Variants in UGT1A3 observed in about 807,000 individuals in gnomAD.
UGT1A3 encodes UDP glucuronosyltransferase family 1 member A3.
Under a neutral mutation model 41.0 loss-of-function variants are expected in UGT1A3, and 31 were observed. The observed-to-expected ratio is 0.76, with a 90% CI of 0.57 to 1.02. The LOEUF is 1.02. Ranked by LOEUF, UGT1A3 falls within the 50% of genes least tolerant of loss-of-function variation. The probability of loss-of-function intolerance (pLI) is 0.00; values close to 1 mark genes in which losing one functional copy is unlikely to be tolerated. For synonymous variants in UGT1A3, 262 were observed against 257.6 expected, an observed-to-expected ratio of 1.02 and a Z score of -0.17; for missense variants, 737 against 671.0, an observed-to-expected ratio of 1.10 and a Z score of -1.09.
At chr2:233,757,535 A>AATATATATACATATACATACATATATAT (rs376887521) in intron 1 of UGT1A3, among the ~76,000 whole-genome samples, 2 of 88,312 alleles carry the variant, frequency 2.3e-5, no homozygotes, top group African/African-American at 1.0e-4. Context: ...GCCTGTAAGG[A>AATATATATACATATACATACATATATAT]ATATATATAT....
At chr2:233,736,540 G>T (rs7564935) in intron 1 of UGT1A3, among the ~76,000 whole-genome samples, 55,271 of 152,042 alleles carry the variant, frequency 0.36, 10,225 homozygotes, top group African/African-American at 0.41. Context: ...TCTCTTTCCA[G>T]CTTTGCTCCA....
At position 233,769,521 on chromosome 2, in the gene UGT1A3, C is replaced by A. The variant is rs753723506; in HGVS notation, c.1307+1082C>A. The A allele has an allele frequency of 4.3e-6, 7 of 1,612,800 alleles. No homozygotes were observed. The East Asian group carries it at 1.6e-4, about 36-fold the overall frequency. On this transcript the variant is annotated intron_variant, in intron 4 of 4. Transcript: ENST00000482026. The surrounding 1 kb of genome is among the most constrained non-coding windows in gnomAD (Gnocchi z 4.4). ...TGTCCATTGCTTTCTCCCATGGTTACCTCCTTTAGAAAGAAGCAGCAGTCA... is the reference window on the plus strand; with the variant it reads ...TGTCCATTGCTTTCTCCCATGGTTAACTCCTTTAGAAAGAAGCAGCAGTCA...
At chr2:233,747,784 C>A in intron 1 of UGT1A3, 1 of 1,613,530 alleles carries the variant, frequency 6.2e-7, no homozygotes, top group Non-Finnish European at 8.5e-7. Context: ...CCAAATCCTT[C>A]CTCCTATATT....
At position 233,729,693 on chromosome 2, in the gene UGT1A3, C is replaced by T. The variant is rs45474199; in HGVS notation, c.567C>T (p.Asn189=). The change falls in exon 1 of 5, where the codon AAC becomes AAT. Residue 189 remains asparagine (N), a synonymous_variant. Coordinates refer to ENST00000482026, the MANE Select transcript of UGT1A3 (RefSeq NM_019093.4). ...ACTTTAAGGGCACACAGTGTCCAAA[C>T]CCTTCCTCCTATATTCCTAGATTAC... The part of the protein sequence containing the change: ...DLDFKGTQCP[N]PSSYIPRLLT... 1,325 of 1,613,958 alleles carry T rather than the reference C, an allele frequency of 8.2e-4. 6 individuals carry two copies. Among genetic ancestry groups the T allele is most frequent in the South Asian group, 5.6e-3 (506 of 91,066 alleles).
At chr2:233,768,093 C>T in intron 3 of UGT1A3, 127 bp from the exon 4 acceptor site, 1 of 1,591,452 alleles carries the variant, frequency 6.3e-7, no homozygotes, top group Non-Finnish European at 8.6e-7. Context: ...CCCACATTTT[C>T]TTCTGCAAAT....
At position 233,729,951 on chromosome 2, in the gene UGT1A3, C is replaced by A. The variant is rs1214180861; in HGVS notation, c.825C>A (p.Phe275Leu). The A allele has an allele frequency of 6.2e-7, 1 of 1,613,942 alleles. No individual in the cohort carries two copies. The highest frequency in any genetic ancestry group is 2.2e-5 in the East Asian group (1 of 44,898). ...GGCCAATCATGCCCAACATGGTCTT[C>A]ATTGGGGGCATCAACTGTGCCAACA... ...YPRPIMPNMVFIGGINCANRK... is the reference protein window; with the variant it reads ...YPRPIMPNMVLIGGINCANRK... The change falls in exon 1 of 5, where the codon TTC becomes TTA. Residue 275 changes from phenylalanine to leucine, a missense_variant. Coordinates refer to ENST00000482026, the MANE Select transcript of UGT1A3 (RefSeq NM_019093.4).
intron 1 of UGT1A3, among the ~76,000 whole-genome samples, chr2:233,763,573 CTCTT>C (rs1698348195): frequency 1.3e-5 from 2 of 152,188 alleles, no homozygotes; most frequent in African/African-American, 4.8e-5. Flanking sequence ...TTCTTATTTT[CTCTT>C]TCTTCCTTTG....
intron 1 of UGT1A3, among the ~76,000 whole-genome samples, chr2:233,756,708 C>T (rs1399163610): frequency 6.6e-6 from 1 of 151,990 alleles, no homozygotes; most frequent in Admixed American, 6.6e-5. Flanking sequence ...TTTGGGGGGA[C>T]TTTTTTTGAG....
rs199786512 is a variant in UGT1A3 at position 233,769,592 on chromosome 2, C to A, written c.1307+1153C>A. The A allele has an allele frequency of 6.2e-7, 1 of 1,612,706 alleles. No homozygotes were observed. The highest frequency in any genetic ancestry group is 1.3e-5 in the African/African-American group (1 of 74,904). On this transcript the variant is annotated intron_variant, in intron 4 of 4. Coordinates refer to ENST00000482026, the MANE Select transcript of UGT1A3 (RefSeq NM_019093.4). The surrounding 1 kb of genome is among the most constrained non-coding windows in gnomAD (Gnocchi z 4.4). Reference sequence around the variant, plus strand: ...TGGAGCATGTTCAGATGAGAGGAGACGGAACACGGGGACACACCAGCTTGA... The same window carrying A: ...TGGAGCATGTTCAGATGAGAGGAGAAGGAACACGGGGACACACCAGCTTGA...
intron 1 of UGT1A3, among the ~76,000 whole-genome samples, chr2:233,733,262 T>A (rs11685892): frequency 0.53 from 80,164 of 151,964 alleles, 22,478 homozygotes; most frequent in African/African-American, 0.73. Flanking sequence ...AAACAGGGAC[T>A]ATTTGACTTC....
At chr2:233,764,396 C>G (rs1202361734) in intron 1 of UGT1A3, among the ~76,000 whole-genome samples, 1 of 152,202 alleles carries the variant, frequency 6.6e-6, no homozygotes, top group African/African-American at 2.4e-5. Flanking sequence ...GTGATGACAA[C>G]TTCTCTGCAG....
chr2:233,747,416 C>T, intron 1 of UGT1A3: 4 of 1,607,550 alleles, frequency 2.5e-6, no homozygotes, highest in Non-Finnish European at 3.4e-6. Context: ...TGAATATGCA[C>T]ATCAAACAAG....
At chr2:233,737,569 A>C (rs1156653495) in intron 1 of UGT1A3, among the ~76,000 whole-genome samples, 3 of 152,164 alleles carry the variant, frequency 2.0e-5, no homozygotes, top group African/African-American at 7.2e-5. Context: ...TGCACCCACT[A>C]TCCAACCAGT....
chr2:233,768,435 A>G lies in UGT1A3; in HGVS notation c.1303A>G (p.Lys435Glu), dbSNP rs1699610425. Residue 435 changes from lysine to glutamate, a missense_variant, in exon 4 of 5, where the codon AAA becomes GAA. Physicochemically the swap from Lys to Glu is moderately conservative, Grantham distance 56. Transcript: ENST00000482026. ...ENALKAVINDKSYKENIMRLS... is the reference protein window; with the variant it reads ...ENALKAVINDESYKENIMRLS... ...TGCTCTAAAAGCAGTCATCAATGAC[A>G]AAAGGTAAGAAAGAAGATACAGAAG... 1.2e-6 allele frequency: 2 copies of G among 1,613,666 alleles called. No individual in the cohort carries two copies. The highest frequency in any genetic ancestry group is 1.7e-6 in the Non-Finnish European group (2 of 1,179,762).
chr2:233,768,579 CTTCT>C (rs1699650824), intron 4 of UGT1A3, 140 bp downstream of exon 4: 12 of 934,830 alleles, frequency 1.3e-5, no homozygotes, highest in African/African-American at 2.0e-5. Flanking sequence ...ATTTTTATTT[CTTCT>C]TTTTTTTTTT....
intron 1 of UGT1A3, chr2:233,743,584 G>A: frequency 7.3e-7 from 1 of 1,367,326 alleles, no homozygotes; most frequent in Non-Finnish European, 9.8e-7. Flanking sequence ...AGAGGTCAAA[G>A]GAGAATGGGT....
chr2:233,755,337 A>G (rs1695871666), intron 1 of UGT1A3: 2 of 434,782 alleles, frequency 4.6e-6, no homozygotes, highest in Admixed American at 3.7e-5. Flanking sequence ...ACCCGCGCAC[A>G]GGTCAGAGGC....
chr2:233,772,669 CA>C lies in UGT1A3; in HGVS notation c.*111del. On this transcript the variant is annotated 3_prime_UTR_variant, in exon 5 of 5. Coordinates refer to ENST00000482026, the MANE Select transcript of UGT1A3 (RefSeq NM_019093.4). ...TTATTCTTATTAAGGAAATACTTTG[CA>C]TAAATTAATCAGCCCCAGAGTGCTT... 6.5e-7 allele frequency: 1 copy of C among 1,536,408 alleles called. No individual in the cohort carries two copies. The highest frequency in any genetic ancestry group is 1.4e-5 in the African/African-American group (1 of 72,618).
Position 233,772,413 on chromosome 2 carries a change from T to G in UGT1A3, c.1459T>G (p.Tyr487Asp), listed in dbSNP as rs34993780. 159 of 1,614,182 alleles carry G rather than the reference T, an allele frequency of 9.9e-5. No homozygotes were observed. In the East Asian group the frequency reaches 2.1e-3, roughly 21 times the overall value. Reference sequence around the variant, plus strand: ...AGCCCACGACCTCACCTGGTACCAGTACCATTCCTTGGACGTGATTGGTTT... The same window carrying G: ...AGCCCACGACCTCACCTGGTACCAGGACCATTCCTTGGACGTGATTGGTTT... ...PAAHDLTWYQ[Y>D]HSLDVIGFLL... The change falls in exon 5 of 5, where the codon TAC becomes GAC. Residue 487 changes from tyrosine to aspartate, a missense_variant. By Grantham distance (160) the Tyr-to-Asp change is radical (BLOSUM62 -3). Transcript: ENST00000482026.
Sources: allele counts gnomAD v4.1 joint callset (sites outside exome capture counted in the v4.1 genomes callset), GRCh38; gene constraint gnomAD v4.1.1; non-coding constraint Gnocchi (gnomAD v3.1); transcripts MANE v1.5; gene names NCBI Gene and HGNC (gene_info 2026-07-23, HGNC 2026-07-21).